Variants in TMEM171 observed in about 807,000 individuals in gnomAD.
TMEM171 encodes the protein proline-rich protein PRP2.
TMEM171 carries 16 observed loss-of-function variants against 19.1 expected under a neutral mutation model. The ratio of observed to expected loss-of-function variants is 0.84; its 90% confidence interval spans 0.57 to 1.27. TMEM171 has a LOEUF of 1.27. TMEM171 is among the 50% of genes most tolerant of loss of function. TMEM171 has a pLI of 0.00. For missense variants in TMEM171, 429 were observed against 412.7 expected (o/e 1.04, Z -0.34); for synonymous variants, 153 against 163.4 (o/e 0.94, Z 0.48).
chr5:73,127,495 G>C (rs1421518757), intron 2 of TMEM171, among the ~76,000 whole-genome samples: 1 of 149,954 alleles, frequency 6.7e-6, no homozygotes, highest in Admixed American at 6.6e-5. Flanking sequence ...GGAGTGCAGT[G>C]GCATGATCCT....
Position 73,131,557 on chromosome 5 carries a change from G to A in TMEM171, c.802G>A (p.Gly268Ser), listed in dbSNP as rs1252445174. 3.1e-6 allele frequency: 5 copies of A among 1,600,120 alleles called. No individual in the cohort carries two copies. The highest frequency in any genetic ancestry group is 2.7e-5 in the African/African-American group (2 of 74,284). The change falls in exon 4 of 4, where the codon GGT (glycine) becomes AGT (serine). Residue 268 changes from glycine (G) to serine (S), a missense_variant. Physicochemically the swap from Gly to Ser is moderately conservative, Grantham distance 56. Transcript: ENST00000454765. ...CTTTAGCAGGACCCCAACTTCAGAGGGTGCAGCCTCTGAAAGAGACTGTGA... is the reference window on the plus strand; with the variant it reads ...CTTTAGCAGGACCCCAACTTCAGAGAGTGCAGCCTCTGAAAGAGACTGTGA... ...FNYGRTPTSE[G>S]AASERDCESI...
chr5:73,121,605 G>A (rs1372372647), intron 1 of TMEM171, among the ~76,000 whole-genome samples: 1 of 152,190 alleles, frequency 6.6e-6, no homozygotes, highest in African/African-American at 2.4e-5. Context: ...CAGCTTAACT[G>A]CATCTGTATA....
At chr5:73,127,901 T>A (rs368854307) in intron 2 of TMEM171, among the ~76,000 whole-genome samples, 57 of 151,902 alleles carry the variant, frequency 3.8e-4, no homozygotes, top group African/African-American at 1.2e-3. Flanking sequence ...CTCCCACATC[T>A]GGCTAAATTT....
Position 73,128,536 on chromosome 5 carries a change from G to C in TMEM171, c.782+5G>C, listed in dbSNP as rs771084223. On this transcript the variant is annotated splice_donor_5th_base_variant and intron_variant, in intron 3 of 3. Coordinates refer to ENST00000454765, the MANE Select transcript of TMEM171 (RefSeq NM_173490.8). ...TTACAGTATTTTCAACTATGGGTAA[G>C]AATTTCAATTTGAACTTCAAGAGAG... 2.5e-6 allele frequency: 4 copies of C among 1,613,752 alleles called. No individual in the cohort carries two copies. Among genetic ancestry groups the C allele is most frequent in the Non-Finnish European group, 3.4e-6 (4 of 1,179,764 alleles).
At chr5:73,128,614 T>G (rs1054258100) in intron 3 of TMEM171, 83 bp downstream of exon 3, 153 of 1,522,270 alleles carry the variant, frequency 1.0e-4, no homozygotes, top group Non-Finnish European at 1.2e-4. Context: ...CCAGGAGGCA[T>G]TCAAGTGTGA....
intron 1 of TMEM171, among the ~76,000 whole-genome samples, chr5:73,120,907 T>C (rs1743991403): frequency 6.6e-6 from 1 of 152,182 alleles, no homozygotes; most frequent in Non-Finnish European, 1.5e-5. Context: ...TTGCCTCTCG[T>C]TTCGTTCCCC....
chr5:73,125,471 G>A (rs1241328068), intron 2 of TMEM171, among the ~76,000 whole-genome samples: 2 of 152,292 alleles, frequency 1.3e-5, no homozygotes, highest in East Asian at 3.9e-4. Context: ...CAACCCAAGT[G>A]TCTGGGCACA....
chr5:73,128,859 A>AAGGTGAGTGGATC (rs560173223), intron 3 of TMEM171, among the ~76,000 whole-genome samples: 21 of 152,166 alleles, frequency 1.4e-4, no homozygotes, highest in Non-Finnish European at 2.5e-4. Context: ...TTGAGAGGCC[A>AAGGTGAGTGGATC]AGGTGAGTGG....
chr5:73,123,418 CA>C lies in TMEM171; in HGVS notation c.46del (p.Arg16AspfsTer59). 3.1e-6 allele frequency: 5 copies of C among 1,614,194 alleles called. No homozygotes were observed. Among genetic ancestry groups the C allele is most frequent in the Non-Finnish European group, 4.2e-6 (5 of 1,180,018 alleles). On this transcript the variant is annotated frameshift_variant, in exon 2 of 4. Transcript: ENST00000454765. LOFTEE classifies it high-confidence loss of function. ...AAEPDGDQQDRHVSKLIFCFF... is the reference protein window; with the variant it reads ...AAEPDGDQQDXHVSKLIFCFF... The stretch of plus-strand genomic sequence containing the variant: ...CTGAGCCAGATGGGGACCAGCAGGA[CA>C]GACACGTCAGCAAACTCATCTTCTG...
chr5:73,126,798 A>G (rs972247445), intron 2 of TMEM171, among the ~76,000 whole-genome samples: 1 of 152,130 alleles, frequency 6.6e-6, no homozygotes, highest in Non-Finnish European at 1.5e-5. Flanking sequence ...GTAAAGCCCC[A>G]TCTTCTTCAT....
chr5:73,130,508 G>A (rs928114665), intron 3 of TMEM171, among the ~76,000 whole-genome samples: 22 of 152,184 alleles, frequency 1.4e-4, no homozygotes, highest in Admixed American at 6.5e-5. Context: ...TGTTATTCGT[G>A]TTTAAGGAAC....
Position 73,131,692 on chromosome 5 carries a change from A to G in TMEM171, c.937A>G (p.Thr313Ala), listed in dbSNP as rs1200578150. The change falls in exon 4 of 4, where the codon ACA becomes GCA. Residue 313 changes from threonine (T) to alanine (A), a missense_variant. By Grantham distance (58) the Thr-to-Ala change is moderately conservative. Transcript: ENST00000454765. ...RYEEKENAAA[T>A]FLPLSSEPSP... ...TGAAGAAAAAGAAAATGCTGCAGCTACATTCTTGCCTCTATCTTCTGAGCC... is the reference window on the plus strand; with the variant it reads ...TGAAGAAAAAGAAAATGCTGCAGCTGCATTCTTGCCTCTATCTTCTGAGCC... The G allele has an allele frequency of 2.5e-6, 4 of 1,613,810 alleles. No homozygotes were observed. The African/African-American group carries it at 5.3e-5, about 22-fold the overall frequency.
At chr5:73,124,880 T>C (rs559876548) in intron 2 of TMEM171, among the ~76,000 whole-genome samples, 1 of 152,270 alleles carries the variant, frequency 6.6e-6, no homozygotes, top group Admixed American at 6.5e-5. Flanking sequence ...GGCAGATCAC[T>C]TTTTTTCAGT....
chr5:73,120,789 C>T, intron 1 of TMEM171, 93 bp downstream of exon 1: 1 of 972,024 alleles, frequency 1.0e-6, no homozygotes, highest in Non-Finnish European at 1.2e-6. Context: ...CGCGGCAGCG[C>T]GGAGGCGCTG....
chr5:73,127,830 T>TG, intron 2 of TMEM171, among the ~76,000 whole-genome samples: 2 of 151,390 alleles, frequency 1.3e-5, no homozygotes, highest in African/African-American at 4.9e-5. Context: ...AGCCTAGAAC[T>TG]CCTGGGCTCA....
rs1743980941 is a variant in TMEM171 at position 73,120,680 on chromosome 5, G to C, written c.-85G>C. On this transcript the variant is annotated 5_prime_UTR_variant, in exon 1 of 4. Coordinates refer to ENST00000454765, the MANE Select transcript of TMEM171 (RefSeq NM_173490.8). ...CCCACAGCAGCGCGGTCAGCCAGGC[G>C]CCGGACCCAGCTTCAGGTAAGCTGC... The C allele has an allele frequency of 2.0e-6, 2 of 984,120 alleles. No homozygotes were observed. Among genetic ancestry groups the C allele is most frequent in the Non-Finnish European group, 1.2e-6 (1 of 829,636 alleles). The allele number at this position is 984,120 out of a possible 1,614,324, so 61.0% of individuals were successfully genotyped here.
In TMEM171 at chr5:73,131,794, A is replaced by G; in HGVS notation, c.*64A>G. On this transcript the variant is annotated 3_prime_UTR_variant, in exon 4 of 4. Coordinates refer to ENST00000454765, the MANE Select transcript of TMEM171 (RefSeq NM_173490.8). ...CTATTTTATTTAATTTTTTTTAAAT[A>G]AAAAATACAATAGCATTGGCTATAT... 7.1e-7 allele frequency: 1 copy of G among 1,402,854 alleles called. No homozygotes were observed. Among genetic ancestry groups the G allele is most frequent in the Non-Finnish European group, 9.5e-7 (1 of 1,050,518 alleles). The allele number at this position is 1,402,854 out of a possible 1,614,324, so 86.9% of individuals were successfully genotyped here.
Position 73,123,530 on chromosome 5 carries a change from C to G in TMEM171, c.157C>G (p.Pro53Ala). 1 of 1,614,206 alleles carries G rather than the reference C, an allele frequency of 6.2e-7. No homozygotes were observed. Among genetic ancestry groups the G allele is most frequent in the Non-Finnish European group, 8.5e-7 (1 of 1,180,046 alleles). ...GFQACQYKPLPDCPMVLKVAG... is the reference protein window; with the variant it reads ...GFQACQYKPLADCPMVLKVAG... ...CCAGGCATGCCAATATAAGCCCCTC[C>G]CAGACTGCCCCATGGTGCTCAAGGT... is the stretch of plus-strand genomic sequence containing the variant. Residue 53 changes from proline (P) to alanine (A), a missense_variant, in exon 2 of 4, where the codon CCA becomes GCA. Transcript: ENST00000454765.
intron 2 of TMEM171, among the ~76,000 whole-genome samples, chr5:73,127,380 A>ATAT (rs1281485655): frequency 0.012 from 764 of 61,406 alleles, 8 homozygotes; most frequent in Non-Finnish European, 0.016. Context: ...AAAAAAAAAA[A>ATAT]AAAAATATAT....
Sources: allele counts gnomAD v4.1 joint callset (sites outside exome capture counted in the v4.1 genomes callset), GRCh38; gene constraint gnomAD v4.1.1; transcripts MANE v1.5; gene names NCBI Gene and HGNC (gene_info 2026-07-23, HGNC 2026-07-21).